Variants in KMT2C observed in about 807,000 individuals in gnomAD.
KMT2C encodes the protein histone-lysine N-methyltransferase 2C.
A neutral mutation model predicts 507.9 loss-of-function variants in KMT2C; 88 were observed. That is an observed-to-expected ratio of 0.17 (90% confidence interval 0.15 to 0.21). The LOEUF is 0.21. Ranked by LOEUF, KMT2C falls within the 10% of genes least tolerant of loss-of-function variation. KMT2C has a pLI of 1.00. For missense variants in KMT2C, 4,954 were observed against 5,957.8 expected (o/e 0.83, Z 5.55); for synonymous variants, 2,049 against 2,080.8 (o/e 0.98, Z 0.42).
At chr7:152,369,139 A>G (rs1405708178) in intron 1 of KMT2C, among the ~76,000 whole-genome samples, 1 of 152,138 alleles carries the variant, frequency 6.6e-6, no homozygotes, top group East Asian at 1.9e-4. Context: ...CCTGGCCAAC[A>G]TGGCAAAATC....
intron 27 of KMT2C, among the ~76,000 whole-genome samples, chr7:152,196,480 T>C (rs2093965598): frequency 1.3e-5 from 2 of 152,202 alleles, no homozygotes; most frequent in Admixed American, 6.5e-5. Flanking sequence ...ATCTAGTAAC[T>C]ACTTGCAGCT....
At chr7:152,408,384 G>C (rs2097643792) in intron 1 of KMT2C, among the ~76,000 whole-genome samples, 1 of 152,138 alleles carries the variant, frequency 6.6e-6, no homozygotes. Context: ...TATAAACTAG[G>C]CACTACTGCT....
chr7:152,269,446 G>A lies in KMT2C; in HGVS notation c.1013-4237C>T, dbSNP rs114900241. On this transcript the variant is annotated intron_variant, in intron 7 of 58. Coordinates refer to ENST00000262189, the MANE Select transcript of KMT2C (RefSeq NM_170606.3). ...TTTGGAGGTCATGTACAAGATTATC[G>A]ATACTACTGGATAGCTTTGGTGTCA... is the stretch of plus-strand genomic sequence containing the variant. Among the ~76,000 whole-genome samples, 1,184 of 152,190 alleles carry A rather than the reference G, an allele frequency of 7.8e-3. 19 individuals are homozygous for A. The highest frequency in any genetic ancestry group is 0.027 in the African/African-American group (1,138 of 41,504).
Position 152,255,573 on chromosome 7 carries a change from A to G in KMT2C, c.1300-2858T>C, listed in dbSNP as rs529820294. Among the ~76,000 whole-genome samples the G allele has an allele frequency of 2.1e-4, 32 of 152,284 alleles. No individual in the cohort carries two copies. The South Asian group carries it at 6.0e-3, about 29-fold the overall frequency. ...CAGAAAAACAAATACACAAGCACAGATAAGAAACCTGTGAAATGGATAAGT... is the reference window on the plus strand; with the variant it reads ...CAGAAAAACAAATACACAAGCACAGGTAAGAAACCTGTGAAATGGATAAGT... On this transcript the variant is annotated intron_variant, in intron 9 of 58. Transcript: ENST00000262189.
intron 6 of KMT2C, among the ~76,000 whole-genome samples, chr7:152,292,789 C>A (rs1299371421): frequency 6.6e-6 from 1 of 152,124 alleles, no homozygotes; most frequent in Non-Finnish European, 1.5e-5. Context: ...CCAGAAGCTT[C>A]TCAGCTTTTC....
At chr7:152,217,676 G>C (rs2094619575) in intron 23 of KMT2C, among the ~76,000 whole-genome samples, 1 of 152,026 alleles carries the variant, frequency 6.6e-6, no homozygotes, top group Non-Finnish European at 1.5e-5. Flanking sequence ...AAAAAAGCAA[G>C]GGTAATTTTT....
At chr7:152,302,620 C>A (rs1424669283) in intron 6 of KMT2C, among the ~76,000 whole-genome samples, 3 of 152,028 alleles carry the variant, frequency 2.0e-5, no homozygotes, top group East Asian at 1.9e-4. Context: ...GAGAAAGGAG[C>A]TTCCTTTCCC....
At chr7:152,305,884 T>C (rs1224645427) in intron 6 of KMT2C, among the ~76,000 whole-genome samples, 1 of 152,170 alleles carries the variant, frequency 6.6e-6, no homozygotes, top group Admixed American at 6.5e-5. Context: ...GTTCCTTTCA[T>C]TGAAGAGCAA....
intron 11 of KMT2C, among the ~76,000 whole-genome samples, chr7:152,251,226 C>T (rs1171923888): frequency 6.6e-6 from 1 of 152,146 alleles, no homozygotes; most frequent in South Asian, 2.1e-4. Flanking sequence ...ACGGAAGGAA[C>T]GCTTGAAGCC....
chr7:152,247,287 C>T (rs1369903937), intron 14 of KMT2C, among the ~76,000 whole-genome samples: 3 of 152,048 alleles, frequency 2.0e-5, no homozygotes, highest in Non-Finnish European at 2.9e-5. Flanking sequence ...GTAGAATGTA[C>T]ATGATGTAAA....
chr7:152,434,845 C>A (rs1356770456), intron 1 of KMT2C, among the ~76,000 whole-genome samples: 2 of 152,146 alleles, frequency 1.3e-5, no homozygotes, highest in African/African-American at 4.8e-5. Context: ...CTAAGACTTA[C>A]GAGGGAAGCG....
chr7:152,233,547 T>C (rs1348027646), intron 16 of KMT2C, among the ~76,000 whole-genome samples: 1 of 151,580 alleles, frequency 6.6e-6, no homozygotes, highest in Non-Finnish European at 1.5e-5. Flanking sequence ...GGAAAGAAAA[T>C]AGACAAAAGT....
rs564863809 is a variant in KMT2C at position 152,254,461 on chromosome 7, A to G, written c.1300-1746T>C. Among the ~76,000 whole-genome samples, 20 of 152,314 alleles carry G rather than the reference A, an allele frequency of 1.3e-4. No individual in the cohort carries two copies. The East Asian group carries it at 3.9e-3, about 29-fold the overall frequency. ...CATTAATAAAGTTTAACAAATTAAA[A>G]GGTCTGAGGAGAAAAAATTATTTCA... On this transcript the variant is annotated intron_variant, in intron 9 of 58. Transcript: ENST00000262189.
intron 25 of KMT2C, among the ~76,000 whole-genome samples, chr7:152,203,564 A>G (rs1444966967): frequency 6.6e-6 from 1 of 152,196 alleles, no homozygotes; most frequent in South Asian, 2.1e-4. Context: ...ATGACGATGA[A>G]TATGCTAATA....
chr7:152,327,436 T>C (rs576143360), intron 3 of KMT2C, among the ~76,000 whole-genome samples: 1 of 152,160 alleles, frequency 6.6e-6, no homozygotes, highest in African/African-American at 2.4e-5. Flanking sequence ...GTTCCCGAAG[T>C]AGGCCTAGAG....
rs114925050 is a variant in KMT2C, at chr7:152,166,727, C to A, written c.9750+419G>T. On this transcript the variant is annotated intron_variant, in intron 42 of 58. Coordinates refer to ENST00000262189, the MANE Select transcript of KMT2C (RefSeq NM_170606.3). ...AAAAATACTCCCTGGGCCCCCAATT[C>A]TTATTCCAAACTAAACCCAGTATCT... 4.1e-3 allele frequency among the ~76,000 whole-genome samples: 631 copies of A among 152,240 alleles called. 4 individuals carry two copies. Among genetic ancestry groups the A allele is most frequent in the African/African-American group, 0.015 (608 of 41,548 alleles).
chr7:152,434,252 G>C (rs2116811529), intron 1 of KMT2C, among the ~76,000 whole-genome samples: 1 of 152,274 alleles, frequency 6.6e-6, no homozygotes, highest in South Asian at 2.1e-4. Context: ...ATGTAATAAT[G>C]TACACACATC....
At chr7:152,202,839 C>CATTT in intron 26 of KMT2C, 95 bp downstream of exon 26, 1 of 1,025,988 alleles carries the variant, frequency 9.7e-7, no homozygotes, top group Non-Finnish European at 1.4e-6. Flanking sequence ...ACAAGTAAAA[C>CATTT]ATTAACAAAA....
At chr7:152,409,630 C>T (rs2116656862) in intron 1 of KMT2C, among the ~76,000 whole-genome samples, 1 of 151,660 alleles carries the variant, frequency 6.6e-6, no homozygotes, top group South Asian at 2.1e-4. Flanking sequence ...TCTTGGGAGG[C>T]TGAGGCAGGA....
Sources: allele counts gnomAD v4.1 joint callset (sites outside exome capture counted in the v4.1 genomes callset), GRCh38; gene constraint gnomAD v4.1.1; transcripts MANE v1.5; gene names NCBI Gene and HGNC (gene_info 2026-07-23, HGNC 2026-07-21).